The following HECW2 variants were observed in gnomAD, a reference collection of about 807,000 sequenced individuals.
The protein encoded by HECW2 is E3 ubiquitin-protein ligase HECW2.
A neutral mutation model predicts 175.2 loss-of-function variants in HECW2; 61 were observed. The ratio of observed to expected loss-of-function variants is 0.35; its 90% CI spans 0.28 to 0.43. The LOEUF is 0.43. Ranked by LOEUF, HECW2 falls within the 20% of genes least tolerant of loss-of-function variation. The pLI, the probability that HECW2 is intolerant of heterozygous loss-of-function variation, is 1.00. For missense variants in HECW2, 1,524 were observed against 2,000.5 expected (o/e 0.76, Z 4.54); for synonymous variants, 671 against 731.0 (o/e 0.92, Z 1.32).
At chr2:196,320,206 A>G in intron 8 of HECW2, 133 bp downstream of exon 8, 1 of 661,880 alleles carries the variant, frequency 1.5e-6, no homozygotes, top group Non-Finnish European at 2.6e-6. Flanking sequence ...TCAGCAGGTA[A>G]TTATTTGACA....
rs35714216 is a variant in HECW2 at position 196,476,947 on chromosome 2, C to CA, written c.-35-43490dup. 8.6e-3 allele frequency among the ~76,000 whole-genome samples: 493 copies of CA among 57,428 alleles called. 17 individuals are homozygous for CA. Among genetic ancestry groups the CA allele is most frequent in the African/African-American group, 1.0e-2 (147 of 14,718 alleles). The allele number at this position is 57,428 out of a possible 152,430, so 37.7% of individuals were successfully genotyped here. On this transcript the variant is annotated intron_variant, in intron 1 of 28. Coordinates refer to ENST00000644978, the MANE Select transcript of HECW2 (RefSeq NM_001348768.2). The stretch of plus-strand genomic sequence containing the variant: ...GCAACATGACAAGACCCCATCTCCA[C>CA]AAAAAAAAAAAAAAAAAAAAAAAAA...
At chr2:196,262,188 G>A (rs1050834096) in intron 17 of HECW2, among the ~76,000 whole-genome samples, 1 of 151,974 alleles carries the variant, frequency 6.6e-6, no homozygotes, top group Non-Finnish European at 1.5e-5. Flanking sequence ...ACCACACCCA[G>A]CTAATTTTTA....
At chr2:196,269,588 A>T (rs1195553640) in intron 17 of HECW2, 1 of 151,884 alleles carries the variant, frequency 6.6e-6, no homozygotes, top group Non-Finnish European at 1.5e-5. Flanking sequence ...CTATATACAT[A>T]TATATTTTTA....
rs1358592639 is a variant in HECW2, at chr2:196,512,583, TCTCA to T, written c.-35-79129_-35-79126del. Among the ~76,000 whole-genome samples, 4 of 151,994 alleles carry T rather than the reference TCTCA, an allele frequency of 2.6e-5. No individual in the cohort carries two copies. In the East Asian group the frequency reaches 7.8e-4, roughly 30 times the overall value. On this transcript the variant is annotated intron_variant, in intron 1 of 28. Coordinates refer to ENST00000644978, the MANE Select transcript of HECW2 (RefSeq NM_001348768.2). ...ATTTTTTTTGAGGGCATAGATGAGG[TCTCA>T]CTATGTTGCTCTAGCTGGTCTTGAA...
chr2:196,281,155 A>G (rs1001189357), intron 14 of HECW2, among the ~76,000 whole-genome samples: 1 of 152,192 alleles, frequency 6.6e-6, no homozygotes, highest in African/African-American at 2.4e-5. Flanking sequence ...TCTAAAATCC[A>G]TTCTCAAAAG....
At chr2:196,368,590 C>A (rs190753670) in intron 2 of HECW2, among the ~76,000 whole-genome samples, 162 of 152,222 alleles carry the variant, frequency 1.1e-3, no homozygotes, top group African/African-American at 3.7e-3. Flanking sequence ...TCTCTACCTC[C>A]TGATTAAGGC....
intron 1 of HECW2, among the ~76,000 whole-genome samples, chr2:196,503,438 G>T (rs553664290): frequency 6.6e-6 from 1 of 152,312 alleles, no homozygotes; most frequent in African/African-American, 2.4e-5. Flanking sequence ...TACAGGCAGA[G>T]GTAGATTGTT....
At chr2:196,530,571 G>A (rs1410559792) in intron 1 of HECW2, among the ~76,000 whole-genome samples, 1 of 152,080 alleles carries the variant, frequency 6.6e-6, no homozygotes, top group African/African-American at 2.4e-5. Flanking sequence ...TTTTCAAATG[G>A]TTTCATGTCT....
intron 13 of HECW2, among the ~76,000 whole-genome samples, chr2:196,301,988 AT>A (rs994724231): frequency 2.6e-5 from 4 of 151,934 alleles, no homozygotes; most frequent in Admixed American, 6.6e-5. Flanking sequence ...TATTGCCTAG[AT>A]TTTTTTGTAG....
chr2:196,214,209 G>T (rs1230417430), intron 28 of HECW2, among the ~76,000 whole-genome samples: 1 of 152,118 alleles, frequency 6.6e-6, no homozygotes, highest in Non-Finnish European at 1.5e-5. Flanking sequence ...CCAAGACCCT[G>T]CTGCAGGTAA....
chr2:196,300,875 T>TC (rs397770899), intron 13 of HECW2, among the ~76,000 whole-genome samples: 135 of 151,656 alleles, frequency 8.9e-4, no homozygotes, highest in African/African-American at 2.8e-3. Context: ...TCTTTTTTTT[T>TC]CTTCATCTTT....
At chr2:196,264,921 A>C (rs1190760305) in intron 17 of HECW2, among the ~76,000 whole-genome samples, 1 of 152,176 alleles carries the variant, frequency 6.6e-6, no homozygotes, top group East Asian at 1.9e-4. Context: ...ATCTCTTAAT[A>C]GGCCTACAAG....
chr2:196,465,454 C>T (rs1247117019), intron 1 of HECW2, among the ~76,000 whole-genome samples: 4 of 151,884 alleles, frequency 2.6e-5, no homozygotes, highest in Non-Finnish European at 4.4e-5. Context: ...CTTAGTCCTC[C>T]GAAGTAGGAA....
intron 1 of HECW2, among the ~76,000 whole-genome samples, chr2:196,527,273 G>A (rs879893175): frequency 6.6e-6 from 1 of 152,240 alleles, no homozygotes; most frequent in Non-Finnish European, 1.5e-5. Context: ...TCTTTGACTC[G>A]GAAAGGGAAC....
In HECW2 at chr2:196,201,202, C is replaced by T. The variant is rs1686845274; in HGVS notation, c.*75G>A. ...TAAAGGAAGCATCCTCTTGAAACTT[C>T]CAATGTTCAATCATTCTTCTAGAAG... On this transcript the variant is annotated 3_prime_UTR_variant, in exon 29 of 29. Coordinates refer to ENST00000644978, the MANE Select transcript of HECW2 (RefSeq NM_001348768.2). 2 of 963,620 alleles carry T rather than the reference C, an allele frequency of 2.1e-6. No individual in the cohort carries two copies. The highest frequency in any genetic ancestry group is 3.2e-5 in the African/African-American group (2 of 62,192). The allele number at this position is 963,620 out of a possible 1,614,324, so 59.7% of individuals were successfully genotyped here. A position where few individuals can be genotyped will look rare whatever the true frequency, so the allele number is the denominator to read the frequency against.
At chr2:196,495,099 C>T (rs866436292) in intron 1 of HECW2, among the ~76,000 whole-genome samples, 1 of 150,360 alleles carries the variant, frequency 6.7e-6, no homozygotes, top group African/African-American at 2.5e-5. Context: ...GATGGAGTCT[C>T]GCCTTGTCAC....
At chr2:196,268,266 T>C (rs946395538) in intron 17 of HECW2, among the ~76,000 whole-genome samples, 9 of 152,258 alleles carry the variant, frequency 5.9e-5, no homozygotes, top group African/African-American at 9.6e-5. Flanking sequence ...TTACTTATCA[T>C]GACAGCATCT....
intron 1 of HECW2, among the ~76,000 whole-genome samples, chr2:196,483,129 C>G (rs571468532): frequency 6.8e-6 from 1 of 146,114 alleles, no homozygotes; most frequent in Admixed American, 6.8e-5. Flanking sequence ...CCTCATTTAT[C>G]GTGTTTCCAA....
chr2:196,447,005 G>A (rs1696206000), intron 1 of HECW2, among the ~76,000 whole-genome samples: 1 of 152,148 alleles, frequency 6.6e-6, no homozygotes, highest in Admixed American at 6.5e-5. Flanking sequence ...CTCAATTTAT[G>A]AGATCCCCAA....
Sources: gnomAD v4.1 joint callset for allele counts (sites outside exome capture counted in the v4.1 genomes callset) on GRCh38, gnomAD v4.1.1 for gene constraint, MANE v1.5 for transcripts, NCBI Gene and HGNC (gene_info 2026-07-23, HGNC 2026-07-21) for gene names.